Variants in ADAMTS17 observed in about 807,000 individuals in gnomAD.
ADAMTS17 encodes the protein A disintegrin and metalloproteinase with thrombospondin motifs 17.
In ADAMTS17, 113 loss-of-function variants were observed where a neutral mutation model predicts 141.5. That is an observed-to-expected ratio of 0.80 (90% CI 0.69 to 0.93). ADAMTS17 has a LOEUF of 0.93. ADAMTS17 is among the 40% of genes least tolerant of loss of function. The pLI, the probability that ADAMTS17 is intolerant of heterozygous loss-of-function variation, is 0.00. For missense variants in ADAMTS17, 1,659 were observed against 1,517.9 expected (o/e 1.09, Z -1.54); for synonymous variants, 768 against 630.6 (o/e 1.22, Z -3.27).
At chr15:100,212,100 G>A (rs1263716993) in intron 7 of ADAMTS17, among the ~76,000 whole-genome samples, 2 of 152,308 alleles carry the variant, frequency 1.3e-5, no homozygotes, top group South Asian at 2.1e-4. Context: ...ACACATGCAT[G>A]TGCACGTACC....
chr15:100,303,736 T>C (rs188227014), intron 3 of ADAMTS17, among the ~76,000 whole-genome samples: 1 of 152,352 alleles, frequency 6.6e-6, no homozygotes, highest in Admixed American at 6.5e-5. Flanking sequence ...ATTTATTTTT[T>C]GAGAAGGAGT....
chr15:99,996,406 A>G (rs2060803065), intron 19 of ADAMTS17, among the ~76,000 whole-genome samples: 1 of 152,218 alleles, frequency 6.6e-6, no homozygotes, highest in Non-Finnish European at 1.5e-5. Flanking sequence ...GGGGCCAAAA[A>G]AAATCCCTCT....
chr15:100,077,312 A>C (rs2034447014), intron 15 of ADAMTS17, among the ~76,000 whole-genome samples: 1 of 146,708 alleles, frequency 6.8e-6, no homozygotes, highest in Non-Finnish European at 1.5e-5. Context: ...AAAAAAAAAA[A>C]TTAGCCTGGC....
intron 4 of ADAMTS17, among the ~76,000 whole-genome samples, chr15:100,263,295 C>A (rs377134075): frequency 6.6e-6 from 1 of 152,236 alleles, no homozygotes. Context: ...ACCAGTTCAT[C>A]GAGGTAAAGC....
At chr15:100,294,900 C>A (rs559824209) in intron 3 of ADAMTS17, among the ~76,000 whole-genome samples, 1 of 152,132 alleles carries the variant, frequency 6.6e-6, no homozygotes, top group African/African-American at 2.4e-5. Context: ...TGTCTCTCAC[C>A]AAGGTGGGAA....
Position 100,052,932 on chromosome 15 carries a change from C to A in ADAMTS17, c.2295+965G>T, listed in dbSNP as rs534214577. The stretch of plus-strand genomic sequence containing the variant: ...ACGGGGCAACGCCCACCCTGGGGGC[C>A]AGCGCTCCCCGGCAGAGCCAGCCTC... On this transcript the variant is annotated intron_variant, in intron 16 of 21. Coordinates refer to ENST00000268070, the MANE Select transcript of ADAMTS17 (RefSeq NM_139057.4). Among the ~76,000 whole-genome samples the A allele has an allele frequency of 2.6e-5, 4 of 152,340 alleles. No homozygotes were observed. The East Asian group carries it at 7.7e-4, about 29-fold the overall frequency.
At chr15:100,241,266 G>T (rs568841647) in intron 7 of ADAMTS17, among the ~76,000 whole-genome samples, 1 of 152,268 alleles carries the variant, frequency 6.6e-6, no homozygotes, top group African/African-American at 2.4e-5. Flanking sequence ...AATCACTCAA[G>T]ATTCTGGCTC....
chr15:100,094,009 G>A (rs781378818), intron 15 of ADAMTS17, among the ~76,000 whole-genome samples: 1 of 151,648 alleles, frequency 6.6e-6, no homozygotes, highest in Non-Finnish European at 1.5e-5. Context: ...GTGCAAATGA[G>A]TACTGCAGGC....
Position 100,254,196 on chromosome 15 carries a change from C to T in ADAMTS17, c.1032-17G>A, listed in dbSNP as rs764384587. ...AAATCTGTCCTAAAAAATAAAAAAGCCATCATCAGGTATATGCAGTATCCC... is the reference window on the plus strand; with the variant it reads ...AAATCTGTCCTAAAAAATAAAAAAGTCATCATCAGGTATATGCAGTATCCC... On this transcript the variant is annotated splice_polypyrimidine_tract_variant and intron_variant, in intron 6 of 21. Transcript: ENST00000268070. 7.4e-6 allele frequency: 12 copies of T among 1,611,724 alleles called. No homozygotes were observed. The highest frequency in any genetic ancestry group is 1.6e-4 in the Middle Eastern group (1 of 6,082).
rs372774433 is a variant in ADAMTS17 at position 100,237,655 on chromosome 15, G to A, written c.1075+16481C>T. Among the ~76,000 whole-genome samples the A allele has an allele frequency of 6.6e-4, 101 of 152,176 alleles. No individual in the cohort carries two copies. The South Asian group carries it at 0.02, about 29-fold the overall frequency. ...TTTGTTTTTTTTGAGACAGAGTCTC[G>A]CTCTGTCACCCAGGCTGGAGTGCAA... On this transcript the variant is annotated intron_variant, in intron 7 of 21. Transcript: ENST00000268070.
intron 10 of ADAMTS17, among the ~76,000 whole-genome samples, chr15:100,139,472 A>G (rs1223801937): frequency 1.3e-5 from 2 of 152,238 alleles, no homozygotes; most frequent in African/African-American, 4.8e-5. Context: ...GGATACTGCT[A>G]AAGATCTTCT....
intron 15 of ADAMTS17, among the ~76,000 whole-genome samples, chr15:100,064,703 G>A (rs747561828): frequency 3.9e-5 from 6 of 152,214 alleles, no homozygotes; most frequent in Non-Finnish European, 8.8e-5. Context: ...CAGGACGGCA[G>A]GTAGGAAGTG....
At chr15:100,110,695 T>G (rs989943074) in intron 13 of ADAMTS17, among the ~76,000 whole-genome samples, 1 of 152,184 alleles carries the variant, frequency 6.6e-6, no homozygotes, top group Non-Finnish European at 1.5e-5. Context: ...TGTGGTTACT[T>G]TGCACAGGGC....
intron 7 of ADAMTS17, among the ~76,000 whole-genome samples, chr15:100,212,235 C>G (rs1342820123): frequency 1.3e-5 from 2 of 152,176 alleles, no homozygotes; most frequent in Non-Finnish European, 2.9e-5. Context: ...TGAACCCAGC[C>G]AGTCTGGCTG....
rs927631241 is a variant in ADAMTS17, at chr15:100,096,353, C to A, written c.2137+3G>T. The A allele has an allele frequency of 3.5e-5, 56 of 1,613,444 alleles. No homozygotes were observed. Among genetic ancestry groups the A allele is most frequent in the Non-Finnish European group, 4.7e-5 (55 of 1,180,050 alleles). ...CACAGCAGCCCCATGGGCCAACACTCACCTGTCCCCCGGGCGTGGCTGAAG... is the reference window on the plus strand; with the variant it reads ...CACAGCAGCCCCATGGGCCAACACTAACCTGTCCCCCGGGCGTGGCTGAAG... On this transcript the variant is annotated splice_donor_region_variant and intron_variant, in intron 15 of 21. Transcript: ENST00000268070.
chr15:100,300,232 T>C (rs2141809809), intron 3 of ADAMTS17, among the ~76,000 whole-genome samples: 1 of 152,004 alleles, frequency 6.6e-6, no homozygotes, highest in Non-Finnish European at 1.5e-5. Flanking sequence ...TCCCTCAAGA[T>C]AGAAGAGGGA....
At chr15:100,003,155 C>T (rs2060964187) in intron 18 of ADAMTS17, among the ~76,000 whole-genome samples, 1 of 152,088 alleles carries the variant, frequency 6.6e-6, no homozygotes, top group Non-Finnish European at 1.5e-5. Context: ...CTCGAGTCTC[C>T]CCATAAGAGA....
chr15:100,133,075 C>T (rs1304645236), intron 11 of ADAMTS17, 139 bp downstream of exon 11: 1 of 734,520 alleles, frequency 1.4e-6, no homozygotes, highest in Non-Finnish European at 2.2e-6. Flanking sequence ...CCCGGAGTGG[C>T]CTCCATGGGC....
intron 3 of ADAMTS17, among the ~76,000 whole-genome samples, chr15:100,311,331 A>G (rs2045398147): frequency 1.3e-5 from 2 of 152,194 alleles, no homozygotes; most frequent in South Asian, 4.1e-4. Context: ...CACCGAGGCC[A>G]TGCGCTCACT....
Sources: allele counts gnomAD v4.1 joint callset (sites outside exome capture counted in the v4.1 genomes callset), GRCh38; gene constraint gnomAD v4.1.1; transcripts MANE v1.5; gene names NCBI Gene and HGNC (gene_info 2026-07-23, HGNC 2026-07-21).